Variants in CHRM5 observed in about 807,000 individuals in gnomAD.
CHRM5 encodes cholinergic receptor muscarinic 5.
Under a neutral mutation model 39.0 loss-of-function variants are expected in CHRM5, and 18 were observed. That is an observed-to-expected ratio of 0.46 (90% CI 0.32 to 0.68). The LOEUF (loss-of-function observed/expected upper bound fraction) is 0.68. Ranked by LOEUF, CHRM5 falls within the 30% of genes least tolerant of loss-of-function variation. The pLI is 0.04. For missense variants in CHRM5, 515 were observed against 651.1 expected (o/e 0.79, Z 2.28); for synonymous variants, 241 against 246.3 (o/e 0.98, Z 0.20).
chr15:34,000,952 A>G (rs1383400139), intron 1 of CHRM5, among the ~76,000 whole-genome samples: 1 of 152,180 alleles, frequency 6.6e-6, no homozygotes, highest in Non-Finnish European at 1.5e-5. Context: ...TTTTAATTAT[A>G]TATAAAATGC....
intron 1 of CHRM5, among the ~76,000 whole-genome samples, chr15:34,012,896 A>G (rs1897694667): frequency 6.6e-6 from 1 of 152,168 alleles, no homozygotes; most frequent in Admixed American, 6.5e-5. Context: ...TAAGTTAACC[A>G]TTATTTTTTC....
intron 1 of CHRM5, 47 bp downstream of exon 1, chr15:33,969,197 T>C (rs1272142340): frequency 6.6e-6 from 1 of 152,098 alleles, no homozygotes; most frequent in African/African-American, 2.4e-5. Flanking sequence ...TCTACTGAAA[T>C]TAAATCTGCT....
chr15:34,015,305 A>G (rs1409769068), intron 1 of CHRM5, among the ~76,000 whole-genome samples: 1 of 152,062 alleles, frequency 6.6e-6, no homozygotes. Context: ...AACACAGTGA[A>G]ACCCCACCTC....
At position 34,020,422 on chromosome 15, in the gene CHRM5, G is replaced by A. The variant is rs182463658; in HGVS notation, c.-407-26118G>A. 9.8e-5 allele frequency among the ~76,000 whole-genome samples: 15 copies of A among 152,288 alleles called. No homozygotes were observed. In the East Asian group the frequency reaches 2.9e-3, roughly 29 times the overall value. ...TGGTTGCACAATATAAATCCAAGGA[G>A]GCAAATTAGAAATTTGGTTGAAACA... On this transcript the variant is annotated intron_variant, in intron 1 of 2. Transcript: ENST00000383263.
intron 1 of CHRM5, among the ~76,000 whole-genome samples, chr15:34,040,718 T>C (rs955608985): frequency 1.3e-5 from 2 of 151,690 alleles, no homozygotes; most frequent in African/African-American, 2.4e-5. Flanking sequence ...GCCTGAGACA[T>C]GAGTTCAAGA....
chr15:33,996,057 C>T (rs1896920008), intron 1 of CHRM5, among the ~76,000 whole-genome samples: 1 of 152,216 alleles, frequency 6.6e-6, no homozygotes, highest in African/African-American at 2.4e-5. Context: ...GGTCCCACAC[C>T]CACACAGCCT....
At chr15:34,023,082 G>T (rs1250107813) in intron 1 of CHRM5, among the ~76,000 whole-genome samples, 1 of 152,166 alleles carries the variant, frequency 6.6e-6, no homozygotes, top group African/African-American at 2.4e-5. Context: ...AGCTACTCAG[G>T]AGGCTGAGGC....
chr15:33,999,984 T>A (rs1897076682), intron 1 of CHRM5, among the ~76,000 whole-genome samples: 1 of 152,222 alleles, frequency 6.6e-6, no homozygotes, highest in Non-Finnish European at 1.5e-5. Flanking sequence ...CCCCATCGCA[T>A]ATTCGCTCAC....
chr15:34,040,322 A>G (rs1899416499), intron 1 of CHRM5, among the ~76,000 whole-genome samples: 1 of 152,216 alleles, frequency 6.6e-6, no homozygotes, highest in Non-Finnish European at 1.5e-5. Context: ...ATTATATTTA[A>G]ACGGGTTACC....
At chr15:34,040,611 CAG>C (rs1212242029) in intron 1 of CHRM5, among the ~76,000 whole-genome samples, 3 of 152,270 alleles carry the variant, frequency 2.0e-5, no homozygotes, top group South Asian at 4.1e-4. Flanking sequence ...GAATCTAAAA[CAG>C]ATGTTAAGTA....
At chr15:33,975,656 G>A (rs1280523861) in intron 1 of CHRM5, among the ~76,000 whole-genome samples, 3 of 152,114 alleles carry the variant, frequency 2.0e-5, no homozygotes, top group Non-Finnish European at 2.9e-5. Context: ...TCCCAGCTGG[G>A]CACGGTGGCT....
At chr15:34,010,027 T>C (rs1379320895) in intron 1 of CHRM5, among the ~76,000 whole-genome samples, 1 of 151,894 alleles carries the variant, frequency 6.6e-6, no homozygotes, top group Non-Finnish European at 1.5e-5. Flanking sequence ...GAACACAGCT[T>C]CACAATATAT....
chr15:34,016,391 C>G (rs187966971), intron 1 of CHRM5, among the ~76,000 whole-genome samples: 319 of 152,274 alleles, frequency 2.1e-3, no homozygotes, highest in Non-Finnish European at 3.5e-3. Flanking sequence ...CTGAGTTGGG[C>G]TCGCATGGGT....
chr15:34,009,913 G>A (rs1037612812), intron 1 of CHRM5, among the ~76,000 whole-genome samples: 4 of 152,138 alleles, frequency 2.6e-5, no homozygotes, highest in Non-Finnish European at 5.9e-5. Context: ...AGTGAGCTAT[G>A]ATCATGACAC....
In CHRM5 at chr15:34,004,852, T is replaced by C. The variant is rs559618773; in HGVS notation, c.-408+35702T>C. Among the ~76,000 whole-genome samples, 5 of 152,230 alleles carry C rather than the reference T, an allele frequency of 3.3e-5. No individual in the cohort carries two copies. In the East Asian group the frequency reaches 9.6e-4, roughly 29 times the overall value. ...ATTAAATTTTTAAAACAGAGATGCA[T>C]GTAGAATCTAAAGACATGGTTCAAA... is the stretch of plus-strand genomic sequence containing the variant. On this transcript the variant is annotated intron_variant, in intron 1 of 2. Transcript: ENST00000383263.
At chr15:34,011,830 G>A (rs908258607) in intron 1 of CHRM5, among the ~76,000 whole-genome samples, 1 of 152,184 alleles carries the variant, frequency 6.6e-6, no homozygotes, top group African/African-American at 2.4e-5. Flanking sequence ...CCACACCAGG[G>A]ACAGACTATG....
intron 2 of CHRM5, among the ~76,000 whole-genome samples, chr15:34,051,248 T>A (rs1338786784): frequency 6.6e-6 from 1 of 152,158 alleles, no homozygotes; most frequent in Non-Finnish European, 1.5e-5. Flanking sequence ...GAATGACTCC[T>A]GGGCAAATAA....
intron 1 of CHRM5, among the ~76,000 whole-genome samples, chr15:34,033,437 C>T (rs1437587776): frequency 1.3e-5 from 2 of 150,742 alleles, no homozygotes; most frequent in Non-Finnish European, 2.9e-5. Flanking sequence ...ACCCAAGAGG[C>T]GGAGATTGCA....
chr15:34,060,043 T>C (rs1900285279), intron 2 of CHRM5, among the ~76,000 whole-genome samples: 1 of 152,194 alleles, frequency 6.6e-6, no homozygotes, highest in Non-Finnish European at 1.5e-5. Flanking sequence ...TTTTTTGCAC[T>C]GTGTGGCTTA....
Sources: allele counts gnomAD v4.1 joint callset (sites outside exome capture counted in the v4.1 genomes callset), GRCh38; gene constraint gnomAD v4.1.1; transcripts MANE v1.5; gene names NCBI Gene and HGNC (gene_info 2026-07-23, HGNC 2026-07-21).